THNSL1: variants seen among roughly 807,000 people sequenced by gnomAD.
The protein encoded by THNSL1 is threonine synthase like 1, also known as threonine synthase-like 1.
THNSL1 carries 48 observed loss-of-function variants against 50.4 expected under a neutral mutation model. The ratio of observed to expected loss-of-function variants is 0.95; its 90% CI spans 0.76 to 1.21. THNSL1 has a LOEUF of 1.21. Among genes scored for constraint, THNSL1 ranks in the 50% most tolerant of loss-of-function variants. The pLI is 0.00. For synonymous variants in THNSL1, 309 were observed against 306.1 expected, an observed-to-expected ratio of 1.01 and a Z score of -0.10; for missense variants, 896 against 871.7, an observed-to-expected ratio of 1.03 and a Z score of -0.35.
chr10:24,990,616 A>T, the THNSL1 span: 43 of 1,590,442 alleles, frequency 2.7e-5, no homozygotes, highest in Non-Finnish European at 3.4e-5. Context: ...AATCCTAAAA[A>T]GATTTTGCAG....
At chr10:24,989,018 G>A in the THNSL1 span, among the ~76,000 whole-genome samples, 2 of 151,964 alleles carry the variant, frequency 1.3e-5, no homozygotes, top group South Asian at 2.1e-4. Flanking sequence ...TGTAGCGACC[G>A]TAATGGGAAG....
chr10:24,990,702 G>A, the THNSL1 span: 1 of 1,263,638 alleles, frequency 7.9e-7, no homozygotes, highest in South Asian at 1.5e-5. Flanking sequence ...AAAAGAAATG[G>A]TACAGACTAA....
the THNSL1 span, chr10:24,984,511 A>G: frequency 1.6e-6 from 2 of 1,230,314 alleles, no homozygotes; most frequent in Middle Eastern, 5.4e-4. Context: ...ATATTCTCAA[A>G]TTTAATAGTT....
At position 25,025,598 on chromosome 10, in the gene THNSL1, C is replaced by A; in HGVS notation, c.*143C>A. Reference sequence around the variant, plus strand: ...AATTTCAAAAGTCTGATCTCTAGGGCTGACATGAGAACTCCATGTCACCTC... The same window carrying A: ...AATTTCAAAAGTCTGATCTCTAGGGATGACATGAGAACTCCATGTCACCTC... On this transcript the variant is annotated 3_prime_UTR_variant, in exon 3 of 3. Coordinates refer to ENST00000376356, the MANE Select transcript of THNSL1 (RefSeq NM_024838.5). 1 of 793,658 alleles carries A rather than the reference C, an allele frequency of 1.3e-6. No individual in the cohort carries two copies. The highest frequency in any genetic ancestry group is 2.0e-6 in the Non-Finnish European group (1 of 503,966). The allele number at this position is 793,658 out of a possible 1,614,324, so 49.2% of individuals were successfully genotyped here.
the THNSL1 span, among the ~76,000 whole-genome samples, chr10:25,011,183 C>A: frequency 6.6e-6 from 1 of 152,130 alleles, no homozygotes; most frequent in Non-Finnish European, 1.5e-5. Context: ...ATTTGCATTT[C>A]TCTGATGGCC....
At chr10:24,991,261 GTTGGCTT>G in the THNSL1 span, among the ~76,000 whole-genome samples, 2 of 152,036 alleles carry the variant, frequency 1.3e-5, no homozygotes, top group East Asian at 3.9e-4. Flanking sequence ...ATATTCAAGA[GTTGGCTT>G]TTCTACCTTC....
At chr10:24,984,409 G>A in the THNSL1 span, 2 of 1,573,754 alleles carry the variant, frequency 1.3e-6, no homozygotes, top group Non-Finnish European at 1.7e-6. Flanking sequence ...GTGAAGTTCT[G>A]AGTGCTGACT....
At chr10:24,953,168 C>T in the THNSL1 span, 1 of 152,604 alleles carries the variant, frequency 6.6e-6, no homozygotes, top group South Asian at 2.1e-4. Flanking sequence ...ACCCACCTCT[C>T]TCCACCTCCG....
chr10:24,981,495 T>A, the THNSL1 span, among the ~76,000 whole-genome samples: 1 of 152,172 alleles, frequency 6.6e-6, no homozygotes, highest in South Asian at 2.1e-4. Flanking sequence ...AACTTCTAAG[T>A]GGTTCAAACA....
chr10:24,959,366 A>G, the THNSL1 span, among the ~76,000 whole-genome samples: 4 of 152,338 alleles, frequency 2.6e-5, no homozygotes, highest in African/African-American at 9.6e-5. Context: ...TATGGGTTGC[A>G]TCTTAGAGTT....
Position 25,020,470 on chromosome 10 carries a change from G to C in THNSL1, c.-215-1272G>C, listed in dbSNP as rs1044703860. 5.3e-5 allele frequency among the ~76,000 whole-genome samples: 8 copies of C among 152,094 alleles called. 1 individual carries two copies. The highest frequency in any genetic ancestry group is 1.9e-4 in the African/African-American group (8 of 41,436). ...GCAAGCAATATAAAGCGGAAGAAAA[G>C]ATGAAAGATTTACTGGGCCAGTATG... On this transcript the variant is annotated intron_variant, in intron 1 of 2. Coordinates refer to ENST00000376356, the MANE Select transcript of THNSL1 (RefSeq NM_024838.5).
At chr10:24,965,627 C>CG in the THNSL1 span, among the ~76,000 whole-genome samples, 4 of 152,092 alleles carry the variant, frequency 2.6e-5, no homozygotes, top group African/African-American at 9.7e-5. Context: ...GGAATATTGG[C>CG]GAGGATTCCT....
At chr10:24,998,358 CCT>C in the THNSL1 span, among the ~76,000 whole-genome samples, 41,580 of 116,900 alleles carry the variant, frequency 0.36, 7,260 homozygotes, top group East Asian at 0.51. Flanking sequence ...TTCCTTCCTT[CCT>C]CTCTCTCTCT....
upstream of THNSL1, among the ~76,000 whole-genome samples, chr10:25,011,732 T>C (rs1227962374): frequency 1.3e-5 from 2 of 152,102 alleles, no homozygotes; most frequent in African/African-American, 4.8e-5. Context: ...AATTGACAAA[T>C]GGCAACTTAT....
the THNSL1 span, among the ~76,000 whole-genome samples, chr10:24,960,860 G>A: frequency 6.6e-6 from 1 of 152,070 alleles, no homozygotes; most frequent in Non-Finnish European, 1.5e-5. Flanking sequence ...AAAGTGCTAG[G>A]ATTATAGACA....
the THNSL1 span, among the ~76,000 whole-genome samples, chr10:24,954,697 G>A: frequency 6.6e-6 from 1 of 152,152 alleles, no homozygotes; most frequent in Non-Finnish European, 1.5e-5. Context: ...AAAGGGCACA[G>A]AATGATGAGT....
chr10:25,009,912 C>G, the THNSL1 span, among the ~76,000 whole-genome samples: 2 of 152,158 alleles, frequency 1.3e-5, no homozygotes, highest in East Asian at 3.8e-4. Flanking sequence ...AAACCTCTTT[C>G]CTTTATAAAT....
the THNSL1 span, among the ~76,000 whole-genome samples, chr10:24,957,064 G>A: frequency 6.6e-6 from 1 of 152,148 alleles, no homozygotes; most frequent in South Asian, 2.1e-4. Flanking sequence ...TGCCAAAAAG[G>A]TTGAGACTAC....
upstream of THNSL1, among the ~76,000 whole-genome samples, chr10:25,011,850 T>C (rs567409804): frequency 4.1e-4 from 62 of 152,308 alleles, no homozygotes; most frequent in African/African-American, 1.4e-3. Flanking sequence ...CTGCAGAAAT[T>C]TGCATAAGGA....
Sources: allele counts gnomAD v4.1 joint callset (sites outside exome capture counted in the v4.1 genomes callset), GRCh38; gene constraint gnomAD v4.1.1; transcripts MANE v1.5; gene names NCBI Gene and HGNC (gene_info 2026-07-23, HGNC 2026-07-21).